The following TTC29 variants were observed in gnomAD, a reference collection of about 807,000 sequenced individuals.
TTC29 encodes tetratricopeptide repeat protein 29.
Under a neutral mutation model 58.1 loss-of-function variants are expected in TTC29, and 49 were observed. The observed-to-expected ratio is 0.84, with a 90% CI of 0.67 to 1.07. The LOEUF (loss-of-function observed/expected upper bound fraction) is 1.07, where lower values mean the gene tolerates loss of function less well. Among genes scored for constraint, TTC29 ranks in the 50% least tolerant of loss-of-function variants. The pLI is 0.00. For missense variants in TTC29, 582 were observed against 555.6 expected (o/e 1.05, Z -0.48); for synonymous variants, 209 against 196.8 (o/e 1.06, Z -0.52).
chr4:146,930,098 T>TATATATATACAC (rs1553942364), intron 4 of TTC29, among the ~76,000 whole-genome samples: 8 of 118,730 alleles, frequency 6.7e-5, no homozygotes, highest in African/African-American at 3.1e-4. Context: ...TATATATATA[T>TATATATATACAC]ATATATATAT....
At chr4:146,890,003 T>C (rs890566833) in intron 6 of TTC29, among the ~76,000 whole-genome samples, 1 of 152,186 alleles carries the variant, frequency 6.6e-6, no homozygotes, top group Non-Finnish European at 1.5e-5. Context: ...GTCATGCCAC[T>C]CCACCATTGG....
intron 6 of TTC29, among the ~76,000 whole-genome samples, chr4:146,892,746 C>T (rs1034790281): frequency 1.1e-4 from 16 of 152,152 alleles, no homozygotes; most frequent in African/African-American, 3.4e-4. Context: ...GTCAAATTGT[C>T]CCTGTTTGCA....
intron 6 of TTC29, among the ~76,000 whole-genome samples, chr4:146,880,641 G>A (rs1214345864): frequency 6.6e-6 from 1 of 152,102 alleles, no homozygotes; most frequent in African/African-American, 2.4e-5. Context: ...AAGCAAAGGA[G>A]AATGTATATG....
intron 8 of TTC29, among the ~76,000 whole-genome samples, chr4:146,844,678 G>A (rs1729057318): frequency 1.3e-5 from 2 of 152,096 alleles, no homozygotes; most frequent in African/African-American, 2.4e-5. Context: ...ACTGTGCCCA[G>A]CCCCCAGCCC....
intron 11 of TTC29, among the ~76,000 whole-genome samples, chr4:146,762,361 T>TC (rs1746976206): frequency 6.6e-6 from 1 of 151,486 alleles, no homozygotes; most frequent in Non-Finnish European, 1.5e-5. Flanking sequence ...TTTTTTTTTT[T>TC]TCCTGTGAGT....
intron 11 of TTC29, among the ~76,000 whole-genome samples, chr4:146,717,060 C>A (rs551714745): frequency 1.3e-5 from 2 of 152,180 alleles, no homozygotes; most frequent in Non-Finnish European, 2.9e-5. Context: ...GTAATTCATT[C>A]GCCCATTAAA....
chr4:146,902,836 T>G (rs965052366), intron 6 of TTC29, among the ~76,000 whole-genome samples: 1 of 152,216 alleles, frequency 6.6e-6, no homozygotes, highest in South Asian at 2.1e-4. Context: ...AATAAATATT[T>G]TTAAAATTTA....
intron 4 of TTC29, among the ~76,000 whole-genome samples, chr4:146,929,288 G>A (rs1342932016): frequency 6.6e-6 from 1 of 152,144 alleles, no homozygotes; most frequent in Admixed American, 6.5e-5. Context: ...TATGAATTCT[G>A]TTATTTAATT....
At chr4:146,943,886 A>G (rs1453647362) in intron 2 of TTC29, among the ~76,000 whole-genome samples, 3 of 152,118 alleles carry the variant, frequency 2.0e-5, no homozygotes, top group Admixed American at 2.0e-4. Context: ...GTGAGCTCCA[A>G]TTTAGACTCA....
At chr4:146,896,168 T>C (rs1189227026) in intron 6 of TTC29, among the ~76,000 whole-genome samples, 1 of 152,184 alleles carries the variant, frequency 6.6e-6, no homozygotes, top group Non-Finnish European at 1.5e-5. Flanking sequence ...TTTTGACTTA[T>C]CTTTTGTTGG....
Position 146,814,498 on chromosome 4 carries a change from T to C in TTC29, c.1101+5627A>G, listed in dbSNP as rs139461470. Among the ~76,000 whole-genome samples the C allele has an allele frequency of 8.6e-5, 13 of 152,024 alleles. No individual in the cohort carries two copies. The East Asian group carries it at 2.5e-3, about 30-fold the overall frequency. On this transcript the variant is annotated intron_variant, in intron 10 of 12. Transcript: ENST00000325106. ...ATCCCAGCACTTTGGGAGGCCGAAG[T>C]GGGCGGATCATGAGGTCAAGAGATC...
At chr4:146,754,524 C>A (rs1242853291) in intron 11 of TTC29, among the ~76,000 whole-genome samples, 2 of 152,100 alleles carry the variant, frequency 1.3e-5, no homozygotes, top group Admixed American at 1.3e-4. Context: ...AATCCTCAAT[C>A]AAATATCAGC....
chr4:146,860,088 G>C (rs1730128840), intron 8 of TTC29, among the ~76,000 whole-genome samples: 1 of 152,044 alleles, frequency 6.6e-6, no homozygotes, highest in Non-Finnish European at 1.5e-5. Context: ...ATCTGCCAAG[G>C]TATTTGCATA....
chr4:146,903,701 C>A lies in TTC29; in HGVS notation c.429G>T (p.Leu143Phe). 2 of 1,608,678 alleles carry A rather than the reference C, an allele frequency of 1.2e-6. No homozygotes were observed. Among genetic ancestry groups the A allele is most frequent in the Non-Finnish European group, 1.7e-6 (2 of 1,177,750 alleles). The change falls in exon 6 of 13, where the codon TTG becomes TTT. Residue 143 changes from leucine (L) to phenylalanine (F), a missense_variant. By Grantham distance (22) the Leu-to-Phe change is conservative. Coordinates refer to ENST00000325106, the MANE Select transcript of TTC29 (RefSeq NM_031956.4). ...TATTGAAGTAACAGGCCAGAGCATA[C>A]AAGTTATTATGTACATCTTCGAAGG... Reference protein sequence around the residue: ...KESFEDVHNNLYALACYFNNS... With the variant: ...KESFEDVHNNFYALACYFNNS...
chr4:146,912,362 A>G (rs1244046708), intron 4 of TTC29, among the ~76,000 whole-genome samples: 1 of 152,198 alleles, frequency 6.6e-6, no homozygotes, highest in South Asian at 2.1e-4. Context: ...CAAATATTGC[A>G]CAGAACATAC....
At chr4:146,708,320 A>ATATATATATACATG (rs1742155403) in intron 11 of TTC29, among the ~76,000 whole-genome samples, 4 of 29,036 alleles carry the variant, frequency 1.4e-4, no homozygotes, top group African/African-American at 2.7e-4. Flanking sequence ...ATATATATAT[A>ATATATATATACATG]TATATATATA....
At chr4:146,870,597 C>T (rs985772229) in intron 7 of TTC29, among the ~76,000 whole-genome samples, 2 of 151,154 alleles carry the variant, frequency 1.3e-5, no homozygotes, top group African/African-American at 4.9e-5. Context: ...TTTAGTTAGA[C>T]CAAACAAAAA....
intron 6 of TTC29, among the ~76,000 whole-genome samples, chr4:146,884,294 T>TAGGTGC (rs1485977341): frequency 1.3e-5 from 2 of 152,036 alleles, no homozygotes; most frequent in African/African-American, 4.8e-5. Flanking sequence ...CCTTCGAAAA[T>TAGGTGC]GTTTACTAGG....
intron 11 of TTC29, among the ~76,000 whole-genome samples, chr4:146,709,566 C>T (rs1307951009): frequency 2.0e-5 from 3 of 152,136 alleles, no homozygotes; most frequent in Non-Finnish European, 2.9e-5. Context: ...TCCTCTCCTG[C>T]ACTGTATAGT....
Sources: gnomAD v4.1 joint callset for allele counts (sites outside exome capture counted in the v4.1 genomes callset) on GRCh38, gnomAD v4.1.1 for gene constraint, MANE v1.5 for transcripts, NCBI Gene and HGNC (gene_info 2026-07-23, HGNC 2026-07-21) for gene names.